The following ST8SIA5 variants were observed in gnomAD, a reference collection of about 807,000 sequenced individuals.
ST8SIA5 encodes the protein ST8 alpha-N-acetyl-neuraminide alpha-2,8-sialyltransferase 5.
Under a neutral mutation model 40.2 loss-of-function variants are expected in ST8SIA5, and 24 were observed. The ratio of observed to expected loss-of-function variants is 0.60; its 90% CI spans 0.43 to 0.84. The LOEUF is 0.84. ST8SIA5 is among the 40% of genes least tolerant of loss of function. The pLI is 0.00. For synonymous variants in ST8SIA5, 198 were observed against 201.8 expected, an observed-to-expected ratio of 0.98 and a Z score of 0.16; for missense variants, 465 against 498.5, an observed-to-expected ratio of 0.93 and a Z score of 0.64.
At chr18:46,739,371 G>A (rs764442077) in intron 1 of ST8SIA5, among the ~76,000 whole-genome samples, 2 of 152,082 alleles carry the variant, frequency 1.3e-5, no homozygotes, top group Non-Finnish European at 2.9e-5. Context: ...GCGAAACCCC[G>A]ACTCTACTAA....
At chr18:46,701,572 A>G (rs1165795674) in intron 2 of ST8SIA5, among the ~76,000 whole-genome samples, 2 of 152,218 alleles carry the variant, frequency 1.3e-5, no homozygotes, top group African/African-American at 2.4e-5. Context: ...ATAGGGACAC[A>G]GCAAGAAGAA....
intron 1 of ST8SIA5, among the ~76,000 whole-genome samples, chr18:46,730,554 T>A (rs1428654442): frequency 6.6e-6 from 1 of 152,198 alleles, no homozygotes; most frequent in Non-Finnish European, 1.5e-5. Context: ...CTTGCATTAC[T>A]TTTTCAAAAA....
At chr18:46,726,473 T>C (rs1317207254) in intron 1 of ST8SIA5, among the ~76,000 whole-genome samples, 2 of 152,086 alleles carry the variant, frequency 1.3e-5, no homozygotes. Context: ...GTCTAATTTA[T>C]TTTTTCAAAA....
chr18:46,742,946 C>A lies in ST8SIA5; in HGVS notation c.131+13432G>T, dbSNP rs566460449. Among the ~76,000 whole-genome samples the A allele has an allele frequency of 2.6e-5, 4 of 152,340 alleles. No homozygotes were observed. In the South Asian group the frequency reaches 8.3e-4, roughly 32 times the overall value. On this transcript the variant is annotated intron_variant, in intron 1 of 6. Coordinates refer to ENST00000315087, the MANE Select transcript of ST8SIA5 (RefSeq NM_013305.6). ...GCAAACAGGGTCTGGAGTGGACCTC[C>A]AGGAAACTCCAATAGACCTGCAGGT...
chr18:46,693,994 C>T (rs113088022), intron 2 of ST8SIA5, among the ~76,000 whole-genome samples: 129 of 152,298 alleles, frequency 8.5e-4, no homozygotes, highest in African/African-American at 2.9e-3. Context: ...CTTGGTTTTG[C>T]GGGTGATTCT....
In ST8SIA5 at chr18:46,679,764, C is replaced by T; in HGVS notation, c.*278G>A. ...ACTTGCCGTCCCCAGGGCCCCTGAT[C>T]TTGGGGTGTGGCCCAGCAGCATGCT... On this transcript the variant is annotated 3_prime_UTR_variant, in exon 7 of 7. Coordinates refer to ENST00000315087, the MANE Select transcript of ST8SIA5 (RefSeq NM_013305.6). 2.1e-6 allele frequency: 1 copy of T among 482,570 alleles called. No individual in the cohort carries two copies. Among genetic ancestry groups the T allele is most frequent in the South Asian group, 2.8e-5 (1 of 36,200 alleles). 29.9% of individuals were successfully genotyped at this position (482,570 alleles called of 1,614,324 possible). A position where few individuals can be genotyped will look rare whatever the true frequency, so the allele number is the denominator to read the frequency against.
chr18:46,680,375 G>A lies in ST8SIA5; in HGVS notation c.798C>T (p.Asp266=). ...AGACAGCTTGCGGCGATTCGAAGTC[G>A]TCCAGCACGTACTTGACGCGGATGG... ...DVSIRVKYVL[D]DFESPQAVYY... Residue 266 remains aspartate (D), a synonymous_variant, in exon 7 of 7, where the codon GAC becomes GAT. Coordinates refer to ENST00000315087, the MANE Select transcript of ST8SIA5 (RefSeq NM_013305.6). 1 of 1,614,048 alleles carries A rather than the reference G, an allele frequency of 6.2e-7. No homozygotes were observed. Among genetic ancestry groups the A allele is most frequent in the Non-Finnish European group, 8.5e-7 (1 of 1,179,946 alleles).
In ST8SIA5 at chr18:46,676,971, G is replaced by A. The variant is rs1421976870; in HGVS notation, c.*3071C>T. ...CCACAAGCTGGCCATGTAGCCCTGG[G>A]CAAGTCATTCGTGTTGTCACTTAAC... is the stretch of plus-strand genomic sequence containing the variant. On this transcript the variant is annotated 3_prime_UTR_variant, in exon 7 of 7. Transcript: ENST00000315087. The A allele has an allele frequency of 4.6e-5, 7 of 152,200 alleles. No homozygotes were observed. Among genetic ancestry groups the A allele is most frequent in the Admixed American group, 3.3e-4 (5 of 15,280 alleles). The allele number at this position is 152,200 out of a possible 1,614,324, so 9.4% of individuals were successfully genotyped here.
intron 3 of ST8SIA5, among the ~76,000 whole-genome samples, chr18:46,689,936 G>C (rs1424935128): frequency 1.3e-5 from 2 of 151,914 alleles, no homozygotes; most frequent in African/African-American, 4.8e-5. Context: ...ACTTCACTGG[G>C]AAGCCTAGCT....
chr18:46,686,225 A>C lies in ST8SIA5; in HGVS notation c.518T>G (p.Leu173Trp). ...CTCCCTCCCGCAGCGGCTGTTCTTC[A>C]AGATGCCTCCGTTGCCCACTACAGC... ...KCAVVGNGGI[L>W]KNSRCGREIN... Residue 173 changes from leucine to tryptophan, a missense_variant, in exon 5 of 7, where the codon TTG becomes TGG. Physicochemically the swap from Leu to Trp is moderately conservative, Grantham distance 61. Coordinates refer to ENST00000315087, the MANE Select transcript of ST8SIA5 (RefSeq NM_013305.6). 6.2e-7 allele frequency: 1 copy of C among 1,614,190 alleles called. No individual in the cohort carries two copies. Among genetic ancestry groups the C allele is most frequent in the Non-Finnish European group, 8.5e-7 (1 of 1,180,038 alleles).
chr18:46,683,057 C>T (rs530754772), intron 5 of ST8SIA5, among the ~76,000 whole-genome samples: 46 of 152,158 alleles, frequency 3.0e-4, no homozygotes, highest in Admixed American at 1.8e-3. Context: ...CAATAGGAAA[C>T]GAATACGGCC....
At chr18:46,696,494 C>T (rs755310700) in intron 2 of ST8SIA5, among the ~76,000 whole-genome samples, 3 of 152,242 alleles carry the variant, frequency 2.0e-5, no homozygotes, top group Non-Finnish European at 4.4e-5. Flanking sequence ...CACCCTGGAC[C>T]AAGGTCAGGG....
chr18:46,701,153 T>TC (rs1174207077), intron 2 of ST8SIA5, among the ~76,000 whole-genome samples: 1 of 143,224 alleles, frequency 7.0e-6, no homozygotes, highest in Non-Finnish European at 1.5e-5. Flanking sequence ...TTTTTTTTTT[T>TC]TTTTTTAGGT....
intron 1 of ST8SIA5, among the ~76,000 whole-genome samples, chr18:46,755,613 C>A (rs1176497768): frequency 6.6e-6 from 1 of 152,138 alleles, no homozygotes; most frequent in African/African-American, 2.4e-5. Context: ...AATAGAGAGG[C>A]TGAGGCTGTG....
chr18:46,703,028 T>G (rs1012719553), intron 2 of ST8SIA5, among the ~76,000 whole-genome samples: 1 of 152,198 alleles, frequency 6.6e-6, no homozygotes, highest in African/African-American at 2.4e-5. Flanking sequence ...CTGCTACTAG[T>G]TCCAAAAAGG....
intron 1 of ST8SIA5, among the ~76,000 whole-genome samples, chr18:46,712,635 G>A (rs948570): frequency 0.9 from 136,316 of 152,180 alleles, 61,371 homozygotes; most frequent in Non-Finnish European, 0.94. Flanking sequence ...GCCTGTCTGC[G>A]CTGTTGATGC....
intron 1 of ST8SIA5, among the ~76,000 whole-genome samples, chr18:46,744,791 C>A (rs931304843): frequency 1.3e-5 from 2 of 152,260 alleles, no homozygotes; most frequent in Admixed American, 6.5e-5. Flanking sequence ...CGCACTTATT[C>A]TAAAATTGAC....
intron 1 of ST8SIA5, chr18:46,721,330 C>T (rs1175620199): frequency 1.3e-6 from 2 of 1,530,684 alleles, no homozygotes; most frequent in Non-Finnish European, 8.8e-7. Flanking sequence ...TTGAGCTTCC[C>T]CCACTCCCTG....
intron 1 of ST8SIA5, among the ~76,000 whole-genome samples, chr18:46,716,418 C>T (rs2039792307): frequency 1.3e-5 from 2 of 152,174 alleles, no homozygotes. Flanking sequence ...CTTCCACACT[C>T]CATCCCAGAA....
Sources: gnomAD v4.1 joint callset for allele counts (sites outside exome capture counted in the v4.1 genomes callset) on GRCh38, gnomAD v4.1.1 for gene constraint, MANE v1.5 for transcripts, NCBI Gene and HGNC (gene_info 2026-07-23, HGNC 2026-07-21) for gene names.